Variants in CCR3 observed in about 807,000 individuals in gnomAD.
CCR3 encodes the protein C-C chemokine receptor type 3.
For synonymous variants in CCR3, 203 were observed against 179.2 expected (o/e 1.13, Z -1.06); for missense variants, 419 against 437.5 (o/e 0.96, Z 0.38).
At chr3:46,230,358 G>T (rs960412855) in intron 2 of CCR3, among the ~76,000 whole-genome samples, 8 of 152,084 alleles carry the variant, frequency 5.3e-5, no homozygotes, top group Admixed American at 5.2e-4. Context: ...CTCTGGAGTG[G>T]AATGGAAAGC....
At chr3:46,225,282 C>G (rs1015465502) in intron 2 of CCR3, among the ~76,000 whole-genome samples, 2 of 152,174 alleles carry the variant, frequency 1.3e-5, no homozygotes, top group Non-Finnish European at 2.9e-5. Flanking sequence ...CTGGTGGTTA[C>G]ATGGGTATGT....
intron 1 of CCR3, among the ~76,000 whole-genome samples, chr3:46,244,963 T>C (rs1700163327): frequency 6.6e-6 from 1 of 152,198 alleles, no homozygotes; most frequent in South Asian, 2.1e-4. Context: ...GGAATGTATA[T>C]GCATACTTTC....
intron 2 of CCR3, among the ~76,000 whole-genome samples, chr3:46,227,915 C>A (rs1434882591): frequency 6.6e-6 from 1 of 151,396 alleles, no homozygotes; most frequent in Non-Finnish European, 1.5e-5. Flanking sequence ...AAACTAAAAC[C>A]CTGCATATGG....
chr3:46,242,961 G>A (rs6804338), intron 1 of CCR3, among the ~76,000 whole-genome samples: 6 of 42,318 alleles, frequency 1.4e-4, no homozygotes, highest in African/African-American at 3.3e-4. Flanking sequence ...ACATATATAT[G>A]TGTATATATA....
At position 46,252,188 on chromosome 3, in the gene CCR3, T is replaced by C. The variant is rs894681611; in HGVS notation, c.-12+9650T>C. 2.0e-3 allele frequency among the ~76,000 whole-genome samples: 297 copies of C among 147,458 alleles called. 2 individuals are homozygous for C. Among genetic ancestry groups the C allele is most frequent in the African/African-American group, 7.2e-3 (289 of 39,938 alleles). On this transcript the variant is annotated intron_variant, in intron 1 of 1. Coordinates refer to ENST00000395940, the MANE Select transcript of CCR3 (RefSeq NM_178329.3). ...TTCTGTCTTTTTTTTTTTTTTTTTT[T>C]TTTTTGAGACAGGGTCTTACTCTGT...
At chr3:46,264,743 A>C (rs1700585520) in intron 1 of CCR3, 1 of 403,144 alleles carries the variant, frequency 2.5e-6, no homozygotes, top group Admixed American at 4.3e-5. Flanking sequence ...AGGATTTTTA[A>C]GGTATATGTA....
upstream of CCR3, among the ~76,000 whole-genome samples, chr3:46,240,636 G>T (rs57509359): frequency 0.013 from 2,044 of 152,254 alleles, 59 homozygotes; most frequent in African/African-American, 0.046. Flanking sequence ...CACCCTGAGT[G>T]GCTGCCTCTT....
chr3:46,252,585 T>G lies in CCR3; in HGVS notation c.-12+10047T>G, dbSNP rs535432581. On this transcript the variant is annotated intron_variant, in intron 1 of 1. Transcript: ENST00000395940. ...ACTAACTTTTCTGGATACTCCAGGT[T>G]TTTTGAGAAAAGAAATGAAGGAAGG... is the stretch of plus-strand genomic sequence containing the variant. Among the ~76,000 whole-genome samples, 4 of 152,268 alleles carry G rather than the reference T, an allele frequency of 2.6e-5. No individual in the cohort carries two copies. In the East Asian group the frequency reaches 7.7e-4, roughly 29 times the overall value.
intron 2 of CCR3, among the ~76,000 whole-genome samples, chr3:46,230,965 T>C (rs1542754): frequency 0.33 from 49,602 of 152,002 alleles, 8,249 homozygotes; most frequent in South Asian, 0.51. Context: ...CGCTCTGTCG[T>C]CCAGGCTGGA....
At chr3:46,214,219 C>T (rs142870586) in intron 2 of CCR3, among the ~76,000 whole-genome samples, 121 of 152,264 alleles carry the variant, frequency 7.9e-4, no homozygotes, top group Non-Finnish European at 1.4e-3. Context: ...TCCTATTTCG[C>T]TGAGAAAATG....
intron 2 of CCR3, among the ~76,000 whole-genome samples, chr3:46,227,851 C>G (rs1207170345): frequency 6.6e-6 from 1 of 151,594 alleles, no homozygotes; most frequent in African/African-American, 2.4e-5. Context: ...TGTTATTAAA[C>G]TTTAGTTGAT....
At chr3:46,214,389 C>T (rs1296410630) in intron 2 of CCR3, among the ~76,000 whole-genome samples, 1 of 152,158 alleles carries the variant, frequency 6.6e-6, no homozygotes, top group Non-Finnish European at 1.5e-5. Flanking sequence ...GGATCCCAAC[C>T]TCTCTCACTC....
chr3:46,235,731 A>G (rs994354145), intron 2 of CCR3, among the ~76,000 whole-genome samples: 2 of 151,974 alleles, frequency 1.3e-5, no homozygotes, highest in Non-Finnish European at 2.9e-5. Context: ...AACCAAACAT[A>G]CTCTTCCACT....
intron 1 of CCR3, among the ~76,000 whole-genome samples, chr3:46,244,036 T>A (rs1210937053): frequency 6.6e-6 from 1 of 152,200 alleles, no homozygotes; most frequent in African/African-American, 2.4e-5. Context: ...GTATATATAT[T>A]GTTACACACT....
upstream of CCR3, among the ~76,000 whole-genome samples, chr3:46,241,166 G>GCGCTCTCTCT (rs111455051): frequency 6.7e-6 from 1 of 149,208 alleles, no homozygotes; most frequent in African/African-American, 2.5e-5. Flanking sequence ...ATGTGTGTGC[G>GCGCTCTCTCT]CTCTCTCTCT....
At chr3:46,244,188 G>A (rs1347690220) in intron 1 of CCR3, among the ~76,000 whole-genome samples, 1 of 152,134 alleles carries the variant, frequency 6.6e-6, no homozygotes, top group Admixed American at 6.5e-5. Context: ...TTATAGCAGA[G>A]CAAATTGTGA....
intron 2 of CCR3, among the ~76,000 whole-genome samples, chr3:46,224,811 G>A (rs1309238490): frequency 1.3e-5 from 2 of 151,126 alleles, no homozygotes; most frequent in East Asian, 1.9e-4. Context: ...TATTAAAAAG[G>A]TTATGAGGCA....
intron 1 of CCR3, among the ~76,000 whole-genome samples, chr3:46,259,063 G>C (rs9811303): frequency 0.37 from 56,259 of 151,656 alleles, 10,736 homozygotes; most frequent in East Asian, 0.63. Context: ...GTCAGTGGAG[G>C]TCCAGGGAAC....
chr3:46,251,153 C>G (rs1385783319), intron 1 of CCR3, among the ~76,000 whole-genome samples: 1 of 152,070 alleles, frequency 6.6e-6, no homozygotes, highest in Non-Finnish European at 1.5e-5. Context: ...GTGGGACTTG[C>G]TGCTAAGGGT....
Sources: gnomAD v4.1 joint callset for allele counts (sites outside exome capture counted in the v4.1 genomes callset) on GRCh38, gnomAD v4.1.1 for gene constraint, MANE v1.5 for transcripts, NCBI Gene and HGNC (gene_info 2026-07-23, HGNC 2026-07-21) for gene names.